ZMAT4: variants seen among roughly 807,000 people sequenced by gnomAD.
ZMAT4 encodes zinc finger matrin-type 4, also known as zinc finger matrin-type protein 4.
In ZMAT4, 17 loss-of-function variants were observed where a neutral mutation model predicts 28.7. The ratio of observed to expected loss-of-function variants is 0.59; its 90% CI spans 0.41 to 0.89. The LOEUF (loss-of-function observed/expected upper bound fraction) is 0.89, where lower values mean the gene tolerates loss of function less well. ZMAT4 is among the 40% of genes least tolerant of loss of function. The pLI is 0.00. For missense variants in ZMAT4, 240 were observed against 283.8 expected, an observed-to-expected ratio of 0.85 and a Z score of 1.11; for synonymous variants, 117 against 109.2, an observed-to-expected ratio of 1.07 and a Z score of -0.44.
At chr8:40,704,316 A>C (rs1017872713) in intron 3 of ZMAT4, among the ~76,000 whole-genome samples, 1 of 152,154 alleles carries the variant, frequency 6.6e-6, no homozygotes, top group Non-Finnish European at 1.5e-5. Context: ...GTCCTGGGTA[A>C]CGTTATCTCC....
At chr8:40,566,097 C>G (rs1427326238) in intron 6 of ZMAT4, among the ~76,000 whole-genome samples, 1 of 152,100 alleles carries the variant, frequency 6.6e-6, no homozygotes, top group Admixed American at 6.6e-5. Context: ...GGGTGGGTCA[C>G]TTAATAAATA....
intron 6 of ZMAT4, among the ~76,000 whole-genome samples, chr8:40,545,593 G>A (rs1025427039): frequency 6.6e-6 from 1 of 152,098 alleles, no homozygotes; most frequent in African/African-American, 2.4e-5. Flanking sequence ...TTTGGGCATA[G>A]AAGAGCATGT....
chr8:40,846,948 T>TCC (rs1207167004), intron 1 of ZMAT4, among the ~76,000 whole-genome samples: 3 of 152,212 alleles, frequency 2.0e-5, no homozygotes, highest in Non-Finnish European at 4.4e-5. Context: ...GGCTCATGCC[T>TCC]GTAATCCTAG....
At chr8:40,855,702 G>A (rs200955213) in intron 1 of ZMAT4, among the ~76,000 whole-genome samples, 1 of 149,968 alleles carries the variant, frequency 6.7e-6, no homozygotes, top group East Asian at 2.0e-4. Context: ...TTTTGAGACA[G>A]GGTTGCTCTG....
intron 3 of ZMAT4, among the ~76,000 whole-genome samples, chr8:40,747,608 A>G (rs1812293699): frequency 6.6e-6 from 1 of 152,152 alleles, no homozygotes; most frequent in Non-Finnish European, 1.5e-5. Context: ...AAAAAAAACA[A>G]CACATAAAAA....
chr8:40,658,572 G>A (rs1459014403), intron 5 of ZMAT4, among the ~76,000 whole-genome samples: 2 of 148,600 alleles, frequency 1.3e-5, no homozygotes, highest in Admixed American at 1.4e-4. Flanking sequence ...GGCTCCATTG[G>A]TACATTGTTT....
intron 6 of ZMAT4, among the ~76,000 whole-genome samples, chr8:40,534,676 CCTT>C (rs1802791029): frequency 7.5e-6 from 1 of 133,966 alleles, no homozygotes. Flanking sequence ...ACATTTGCTA[CCTT>C]TTTTTTTTTT....
Position 40,852,407 on chromosome 8 carries a change from G to T in ZMAT4, c.-4-26727C>A, listed in dbSNP as rs374864583. ...GTTTTTACATTTTTGCAAATCCCTT[G>T]TATGTCTGCCTTATTAAACGATAGC... On this transcript the variant is annotated intron_variant, in intron 1 of 6. Transcript: ENST00000297737. Among the ~76,000 whole-genome samples the T allele has an allele frequency of 2.6e-5, 4 of 152,132 alleles. No individual in the cohort carries two copies. The South Asian group carries it at 8.3e-4, about 32-fold the overall frequency.
chr8:40,709,059 G>T (rs1372530260), intron 3 of ZMAT4, among the ~76,000 whole-genome samples: 1 of 152,118 alleles, frequency 6.6e-6, no homozygotes, highest in Non-Finnish European at 1.5e-5. Flanking sequence ...ACCCCCTACA[G>T]TTGTCAAAGT....
intron 4 of ZMAT4, among the ~76,000 whole-genome samples, chr8:40,680,032 C>T (rs1324236015): frequency 2.0e-5 from 3 of 152,132 alleles, no homozygotes; most frequent in Non-Finnish European, 4.4e-5. Flanking sequence ...TCTGACAAGG[C>T]CCTGGTGGCT....
chr8:40,866,457 A>G (rs934963218), intron 1 of ZMAT4, among the ~76,000 whole-genome samples: 1 of 152,272 alleles, frequency 6.6e-6, no homozygotes, highest in Non-Finnish European at 1.5e-5. Context: ...ATCCAAACCA[A>G]GCAAAAATCA....
chr8:40,579,071 T>A (rs2118536033), intron 6 of ZMAT4, among the ~76,000 whole-genome samples: 2 of 152,302 alleles, frequency 1.3e-5, no homozygotes, highest in South Asian at 4.1e-4. Context: ...TATTAATATT[T>A]ATCTCAAGGG....
At chr8:40,601,477 GAAA>G (rs1805322162) in intron 5 of ZMAT4, among the ~76,000 whole-genome samples, 7 of 91,638 alleles carry the variant, frequency 7.6e-5, no homozygotes, top group South Asian at 4.1e-4. Context: ...AGGAAAGAAA[GAAA>G]GAAAGAAAGA....
chr8:40,624,484 C>A (rs1158213601), intron 5 of ZMAT4, among the ~76,000 whole-genome samples: 1 of 152,200 alleles, frequency 6.6e-6, no homozygotes, highest in Non-Finnish European at 1.5e-5. Context: ...AAGATAATGT[C>A]CACCTTCCTT....
intron 5 of ZMAT4, among the ~76,000 whole-genome samples, chr8:40,667,528 A>G (rs572018915): frequency 3.9e-5 from 6 of 152,306 alleles, no homozygotes; most frequent in South Asian, 4.1e-4. Flanking sequence ...TTACAATGCC[A>G]TGTGATGCTA....
chr8:40,671,315 G>A (rs1808656275), intron 5 of ZMAT4, among the ~76,000 whole-genome samples: 1 of 152,026 alleles, frequency 6.6e-6, no homozygotes, highest in Non-Finnish European at 1.5e-5. Flanking sequence ...GCAATCCTAT[G>A]CCTATTTACC....
chr8:40,722,093 C>T (rs1304163327), intron 3 of ZMAT4, among the ~76,000 whole-genome samples: 3 of 151,866 alleles, frequency 2.0e-5, no homozygotes, highest in African/African-American at 7.3e-5. Flanking sequence ...CTAGGCATTG[C>T]CATTCAGGAC....
chr8:40,857,604 A>G (rs1268276612), intron 1 of ZMAT4, among the ~76,000 whole-genome samples: 1 of 152,202 alleles, frequency 6.6e-6, no homozygotes, highest in African/African-American at 2.4e-5. Flanking sequence ...CACTTTGGAA[A>G]ACTGTTTAGA....
chr8:40,553,984 G>A (rs1399995405), intron 6 of ZMAT4, among the ~76,000 whole-genome samples: 9 of 152,098 alleles, frequency 5.9e-5, no homozygotes, highest in Admixed American at 5.9e-4. Flanking sequence ...AAATTAACAA[G>A]AGCATTTTCA....
Sources: gnomAD v4.1 joint callset for allele counts (sites outside exome capture counted in the v4.1 genomes callset) on GRCh38, gnomAD v4.1.1 for gene constraint, MANE v1.5 for transcripts, NCBI Gene and HGNC (gene_info 2026-07-23, HGNC 2026-07-21) for gene names.